The following VPS52 variants were observed in gnomAD, a reference collection of about 807,000 sequenced individuals.
The protein encoded by VPS52 is VPS52 subunit of GARP complex.
In VPS52, 56 loss-of-function variants were observed where a neutral mutation model predicts 98.7. The ratio of observed to expected loss-of-function variants is 0.57; its 90% CI spans 0.46 to 0.71. The LOEUF (loss-of-function observed/expected upper bound fraction) is 0.71. VPS52 is among the 30% of genes least tolerant of loss of function. VPS52 has a pLI of 0.00. For missense variants in VPS52, 742 were observed against 925.9 expected, an observed-to-expected ratio of 0.80 and a Z score of 2.58; for synonymous variants, 348 against 346.4, an observed-to-expected ratio of 1.00 and a Z score of -0.05.
At position 33,268,050 on chromosome 6, in the gene VPS52, C is replaced by T; in HGVS notation, c.801-53G>A. 6.2e-7 allele frequency: 1 copy of T among 1,612,892 alleles called. No individual in the cohort carries two copies. Among genetic ancestry groups the T allele is most frequent in the Non-Finnish European group, 8.5e-7 (1 of 1,179,920 alleles). Reference sequence around the variant, plus strand: ...CCTGTCTCCCAAGAAACCAGATGCCCACACTAGGCCGCTCAAAAACTCAAA... The same window carrying T: ...CCTGTCTCCCAAGAAACCAGATGCCTACACTAGGCCGCTCAAAAACTCAAA... On this transcript the variant is annotated intron_variant, in intron 8 of 19. Transcript: ENST00000445902. The surrounding 1 kb of genome is among the most constrained non-coding windows in gnomAD (Gnocchi z 4.0).
intron 12 of VPS52, among the ~76,000 whole-genome samples, chr6:33,265,159 G>A (rs373666039): frequency 5.3e-5 from 8 of 151,902 alleles, no homozygotes; most frequent in East Asian, 1.9e-4. Flanking sequence ...TGCAACCTCC[G>A]CCTGCCTCCC....
rs755464410 is a variant in VPS52 at position 33,264,869 on chromosome 6, T to C, written c.1313A>G (p.Tyr438Cys). The C allele has an allele frequency of 6.2e-7, 1 of 1,613,038 alleles. No homozygotes were observed. The highest frequency in any genetic ancestry group is 8.5e-7 in the Non-Finnish European group (1 of 1,180,000). Residue 438 changes from tyrosine to cysteine, a missense_variant, in exon 13 of 20, where the codon TAC (tyrosine) becomes TGC (cysteine). By Grantham distance (194) the Tyr-to-Cys change is radical. Transcript: ENST00000445902. ...ACAGAGAAAAACAGCAATGGCATCG[T>C]AGCAGTCAGCTAGATAAGAATCCAG... ...KHLDSYLADC[Y>C]DAIAVFLCIH...
chr6:33,270,221 T>G lies in VPS52; in HGVS notation c.153A>C (p.Glu51Asp). Residue 51 changes from glutamate (E) to aspartate (D), a missense_variant, in exon 2 of 20, where the codon GAA (glutamate) becomes GAC (aspartate). Glu to Asp is a conservative substitution (Grantham distance 45). Around this residue, in one of 2 missense-constraint regions of VPS52, gnomAD observed 152 missense variants for 132.6 expected, o/e 1.15. Coordinates refer to ENST00000445902, the MANE Select transcript of VPS52 (RefSeq NM_022553.6). ...QLGELDITSD[E>D]FILDEVDVHI... Reference sequence around the variant, plus strand: ...TACCATCCACTTCATCCAGGATGAATTCATCAGAAGTGATATCCAACTCCC... The same window carrying G: ...TACCATCCACTTCATCCAGGATGAAGTCATCAGAAGTGATATCCAACTCCC... 6.2e-7 allele frequency: 1 copy of G among 1,613,486 alleles called. No homozygotes were observed.
chr6:33,266,533 T>C (rs41266713), intron 12 of VPS52, 24 bp downstream of exon 12: 32,378 of 1,561,654 alleles, frequency 0.021, 631 homozygotes, highest in African/African-American at 0.087. Flanking sequence ...AGGTGTTGAA[T>C]GGTACAGGAA....
chr6:33,251,865 TCC>T lies in VPS52; in HGVS notation c.1899_1900del (p.Glu634ArgfsTer13), dbSNP rs949418423. On this transcript the variant is annotated frameshift_variant, in exon 18 of 20. Transcript: ENST00000445902. LOFTEE classifies it high-confidence loss of function. Reference sequence around the variant, plus strand: ...TTACCATATTTTCCTCATACCTTCTTCCCCTCGAAGTCGCTCAGCCTGTCCAC... The same window carrying T: ...TTACCATATTTTCCTCATACCTTCTTCCTCGAAGTCGCTCAGCCTGTCCAC... 2.5e-6 allele frequency: 4 copies of T among 1,613,368 alleles called. No homozygotes were observed. The highest frequency in any genetic ancestry group is 1.7e-5 in the Admixed American group (1 of 59,976).
chr6:33,253,688 G>A (rs545805529), intron 17 of VPS52, among the ~76,000 whole-genome samples: 27 of 152,060 alleles, frequency 1.8e-4, no homozygotes, highest in African/African-American at 6.3e-4. Flanking sequence ...CCAGGAGTTC[G>A]AGGCTGCAGG....
intron 17 of VPS52, among the ~76,000 whole-genome samples, chr6:33,255,263 G>A (rs1192677615): frequency 2.0e-5 from 3 of 152,068 alleles, no homozygotes; most frequent in African/African-American, 7.2e-5. Flanking sequence ...GTATGAAGCA[G>A]CAGCTGACCA....
intron 17 of VPS52, among the ~76,000 whole-genome samples, chr6:33,253,492 C>CA (rs9280381): frequency 0.1 from 8,024 of 80,128 alleles, 353 homozygotes; most frequent in African/African-American, 0.18. Context: ...AACTGTGTCT[C>CA]AAAAAAAAAA....
Position 33,264,008 on chromosome 6 carries a change from C to T in VPS52, c.1620G>A (p.Gln540=). The change falls in exon 15 of 20, where the codon CAG becomes CAA. Residue 540 remains glutamine, a splice_region_variant and synonymous_variant. Coordinates refer to ENST00000445902, the MANE Select transcript of VPS52 (RefSeq NM_022553.6). The part of the protein sequence containing the change: ...ERTMQLLGQL[Q]VEVENFVLRV... ...GAAGTGTCTCCTGTCCGACCCTCAC[C>T]TGCAGCTGTCCCAGCAATTGCATGG... 1 of 1,614,244 alleles carries T rather than the reference C, an allele frequency of 6.2e-7. No individual in the cohort carries two copies. Among genetic ancestry groups the T allele is most frequent in the South Asian group, 1.1e-5 (1 of 91,090 alleles).
Position 33,271,623 on chromosome 6 carries a change from G to A in VPS52, c.53C>T (p.Ala18Val). The change falls in exon 1 of 20, where the codon GCT becomes GTT. Residue 18 changes from alanine (A) to valine (V), a missense_variant. Coordinates refer to ENST00000445902, the MANE Select transcript of VPS52 (RefSeq NM_022553.6). ...AAAARELVLR[A>V]GTSDMEEEEG... ...TTCCTCCTCCATATCTGAGGTCCCA[G>A]CCCGCAACACCAGTTCCCGGGCCGC... 6.2e-7 allele frequency: 1 copy of A among 1,612,220 alleles called. No homozygotes were observed.
rs759744775 is a variant in VPS52, at chr6:33,270,178, C to A, written c.175+21G>T. 5 of 1,611,866 alleles carry A rather than the reference C, an allele frequency of 3.1e-6. No individual in the cohort carries two copies. The Admixed American group carries it at 8.3e-5, about 27-fold the overall frequency. On this transcript the variant is annotated intron_variant, in intron 2 of 19. Coordinates refer to ENST00000445902, the MANE Select transcript of VPS52 (RefSeq NM_022553.6). ...GCCTCTCAGATTACAGGTACTGCAC[C>A]CACCCCATGCCATCGCTTACCATCC...
rs1763916849 is a variant in VPS52 at position 33,263,478 on chromosome 6, CCCTA to C, written c.1794+2_1794+5del. The C allele has an allele frequency of 1.9e-6, 3 of 1,613,346 alleles. No individual in the cohort carries two copies. The highest frequency in any genetic ancestry group is 2.5e-6 in the Non-Finnish European group (3 of 1,179,912). ...GCTGTCTCTTCCCTTTTCCCCACAC[CCCTA>C]CCTGTGTCCGAGCATTGAGCAGCTG... is the stretch of plus-strand genomic sequence containing the variant. On this transcript the variant is annotated splice_donor_variant and splice_donor_5th_base_variant and intron_variant, in intron 17 of 19. Coordinates refer to ENST00000445902, the MANE Select transcript of VPS52 (RefSeq NM_022553.6). LOFTEE classifies it high-confidence loss of function.
rs756236120 is a variant in VPS52 at position 33,263,838 on chromosome 6, G to A, written c.1662C>T (p.Phe554=). 3.1e-6 allele frequency: 5 copies of A among 1,614,040 alleles called. No homozygotes were observed. The highest frequency in any genetic ancestry group is 1.3e-5 in the African/African-American group (1 of 74,900). The change falls in exon 16 of 20, where the codon TTC becomes TTT. Residue 554 remains phenylalanine, a synonymous_variant. Coordinates refer to ENST00000445902, the MANE Select transcript of VPS52 (RefSeq NM_022553.6). Reference sequence around the variant, plus strand: ...ACACAAGCTGCTCCTTCCTTGAGGAGAACTCAGCTGCCACTCGGAGGACAA... The same window carrying A: ...ACACAAGCTGCTCCTTCCTTGAGGAAAACTCAGCTGCCACTCGGAGGACAA... ...ENFVLRVAAE[F]SSRKEQLVFL...
intron 11 of VPS52, 127 bp from the exon 12 acceptor site, chr6:33,266,839 G>C: frequency 4.8e-6 from 6 of 1,259,198 alleles, no homozygotes; most frequent in Non-Finnish European, 6.4e-6. Flanking sequence ...CATCTATCTA[G>C]GTCCGGGCTG....
chr6:33,260,904 G>A (rs776308224), intron 17 of VPS52, among the ~76,000 whole-genome samples: 6 of 152,044 alleles, frequency 3.9e-5, no homozygotes, highest in Non-Finnish European at 5.9e-5. Context: ...AGAGGCTGAG[G>A]CAGGAGAATC....
chr6:33,263,384 T>TACACACACACACACAC lies in VPS52; in HGVS notation c.1794+84_1794+99dup, dbSNP rs878982754. ...ACCTGAGATCCATTATGCCACTCCC[T>TACACACACACACACAC]ACACACACACACACACACACACACA... is the stretch of plus-strand genomic sequence containing the variant. On this transcript the variant is annotated intron_variant, in intron 17 of 19. Coordinates refer to ENST00000445902, the MANE Select transcript of VPS52 (RefSeq NM_022553.6). The TACACACACACACACAC allele has an allele frequency of 3.1e-3, 1,718 of 557,752 alleles. 3 individuals carry two copies. The highest frequency in any genetic ancestry group is 7.9e-3 in the East Asian group (179 of 22,772). The allele number at this position is 557,752 out of a possible 1,614,324, so 34.6% of individuals were successfully genotyped here.
In VPS52 at chr6:33,268,005, G is replaced by T; in HGVS notation, c.801-8C>A. The T allele has an allele frequency of 6.2e-7, 1 of 1,613,042 alleles. No homozygotes were observed. The highest frequency in any genetic ancestry group is 8.5e-7 in the Non-Finnish European group (1 of 1,180,010). ...AGAAACTGATAGAAGAACCTAGGGG[G>T]TCAGGAACATGTCAGTCTACCTGTC... On this transcript the variant is annotated splice_region_variant and splice_polypyrimidine_tract_variant and intron_variant, in intron 8 of 19. Transcript: ENST00000445902. The surrounding 1 kb of genome is among the most constrained non-coding windows in gnomAD (Gnocchi z 4.0).
At chr6:33,254,275 GTAAA>G (rs550435201) in intron 17 of VPS52, among the ~76,000 whole-genome samples, 9 of 151,726 alleles carry the variant, frequency 5.9e-5, no homozygotes, top group African/African-American at 1.2e-4. Flanking sequence ...ACTTGTCTCA[GTAAA>G]TAAATAAATA....
chr6:33,264,587 A>G (rs1312528684), intron 13 of VPS52, 90 bp from the exon 14 acceptor site: 2 of 1,574,866 alleles, frequency 1.3e-6, no homozygotes, highest in Non-Finnish European at 1.7e-6. Flanking sequence ...TTAATGGTCA[A>G]TAGCTAGTTG....
Sources: allele counts gnomAD v4.1 joint callset (sites outside exome capture counted in the v4.1 genomes callset), GRCh38; gene constraint gnomAD v4.1.1; regional missense constraint gnomAD v4.1.1; non-coding constraint Gnocchi (gnomAD v3.1); transcripts MANE v1.5; gene names NCBI Gene and HGNC (gene_info 2026-07-23, HGNC 2026-07-21).